The following ROBO2 variants were observed in gnomAD, a reference collection of about 807,000 sequenced individuals.
ROBO2 encodes roundabout homolog 2.
Under a neutral mutation model 160.8 loss-of-function variants are expected in ROBO2, and 53 were observed. The observed-to-expected ratio is 0.33, with a 90% CI of 0.26 to 0.41. ROBO2 has a LOEUF of 0.41. Ranked by LOEUF, ROBO2 falls within the 10% of genes least tolerant of loss-of-function variation. The pLI is 1.00. For missense variants in ROBO2, 1,577 were observed against 1,722.4 expected (o/e 0.92, Z 1.49); for synonymous variants, 664 against 611.7 (o/e 1.09, Z -1.26).
intron 2 of ROBO2, among the ~76,000 whole-genome samples, chr3:77,421,171 T>C (rs934288857): frequency 1.3e-5 from 2 of 152,146 alleles, no homozygotes; most frequent in African/African-American, 4.8e-5. Context: ...ATCTGTAAAG[T>C]AGAATTATTT....
chr3:77,316,670 A>G (rs980200385), intron 2 of ROBO2: 1 of 685,504 alleles, frequency 1.5e-6, no homozygotes, highest in African/African-American at 1.8e-5. Context: ...CATCCCAGTC[A>G]TACAATATTA....
At chr3:76,596,452 T>G (rs1578401814) in intron 2 of ROBO2, among the ~76,000 whole-genome samples, 1 of 152,044 alleles carries the variant, frequency 6.6e-6, no homozygotes, top group Non-Finnish European at 1.5e-5. Context: ...GTGAAAAGAA[T>G]GGAAAACCGG....
At chr3:77,039,109 T>A (rs1016461306), upstream of ROBO2, among the ~76,000 whole-genome samples, 1 of 152,178 alleles carries the variant, frequency 6.6e-6, no homozygotes, top group African/African-American at 2.4e-5. Flanking sequence ...CTCCCCTTCC[T>A]CCTTCCCTTG....
At chr3:76,277,791 T>C (rs1185595850) in intron 2 of ROBO2, among the ~76,000 whole-genome samples, 1 of 151,964 alleles carries the variant, frequency 6.6e-6, no homozygotes, top group African/African-American at 2.4e-5. Flanking sequence ...TTCTCATATA[T>C]ATTAAAAATT....
At chr3:76,010,282 T>C (rs2066156417) in intron 2 of ROBO2, among the ~76,000 whole-genome samples, 2 of 152,202 alleles carry the variant, frequency 1.3e-5, no homozygotes, top group Admixed American at 6.5e-5. Flanking sequence ...GGGACCAGAA[T>C]ATACGTTACT....
At position 76,580,563 on chromosome 3, in the gene ROBO2, T is replaced by C. The variant is rs2085637771; in HGVS notation, c.110-517451T>C. On this transcript the variant is annotated intron_variant, in intron 2 of 26. Transcript: ENST00000487694. ...AACATGATATTCAGGACCTCAGCAG[T>C]AAGAAAGAATCTGGGAGAAAATTAA... Among the ~76,000 whole-genome samples, 3 of 152,128 alleles carry C rather than the reference T, an allele frequency of 2.0e-5. No individual in the cohort carries two copies. The South Asian group carries it at 6.2e-4, about 32-fold the overall frequency.
chr3:76,829,594 T>C (rs1267538241), intron 2 of ROBO2, among the ~76,000 whole-genome samples: 4 of 149,962 alleles, frequency 2.7e-5, no homozygotes, highest in Admixed American at 6.6e-5. Flanking sequence ...TCTCCCACCA[T>C]CATCCCTTAG....
At chr3:77,220,918 C>T (rs1042699518) in intron 2 of ROBO2, among the ~76,000 whole-genome samples, 1 of 152,068 alleles carries the variant, frequency 6.6e-6, no homozygotes, top group Admixed American at 6.6e-5. Context: ...AGAAACCATA[C>T]TTTTTCTATT....
chr3:76,347,114 G>A (rs1264118832), intron 2 of ROBO2, among the ~76,000 whole-genome samples: 1 of 152,016 alleles, frequency 6.6e-6, no homozygotes, highest in Admixed American at 6.6e-5. Context: ...AATTAGATTT[G>A]TTTTGAGTAA....
chr3:76,664,778 T>C (rs1054737583), intron 2 of ROBO2, among the ~76,000 whole-genome samples: 2 of 152,134 alleles, frequency 1.3e-5, no homozygotes, highest in Admixed American at 6.6e-5. Flanking sequence ...ATTTAGGTAG[T>C]TGAGTTGAAT....
At chr3:75,987,354 G>A (rs1490679105) in intron 2 of ROBO2, among the ~76,000 whole-genome samples, 1 of 151,828 alleles carries the variant, frequency 6.6e-6, no homozygotes, top group Non-Finnish European at 1.5e-5. Context: ...TTCATTGTTA[G>A]TAAGTAAAAA....
At chr3:76,540,327 C>G (rs1333403396) in intron 2 of ROBO2, among the ~76,000 whole-genome samples, 1 of 152,076 alleles carries the variant, frequency 6.6e-6, no homozygotes, top group Non-Finnish European at 1.5e-5. Context: ...GAGGGTAATG[C>G]TGGATTAAGT....
chr3:76,535,640 C>A (rs1199922150), intron 2 of ROBO2, among the ~76,000 whole-genome samples: 2 of 151,912 alleles, frequency 1.3e-5, no homozygotes, highest in African/African-American at 4.8e-5. Flanking sequence ...GGGAACTGGG[C>A]AGGTGGGGAT....
At chr3:76,532,332 A>G (rs1434329218) in intron 2 of ROBO2, among the ~76,000 whole-genome samples, 1 of 152,190 alleles carries the variant, frequency 6.6e-6, no homozygotes, top group Non-Finnish European at 1.5e-5. Context: ...CGGCAGCCTT[A>G]GAAACATCCA....
At chr3:76,147,554 A>G (rs1417631588) in intron 2 of ROBO2, among the ~76,000 whole-genome samples, 2 of 151,846 alleles carry the variant, frequency 1.3e-5, no homozygotes, top group East Asian at 3.9e-4. Flanking sequence ...CCATTCAGCA[A>G]CCCCCAACTC....
intron 2 of ROBO2, among the ~76,000 whole-genome samples, chr3:76,752,344 CGAGTT>C (rs2060717989): frequency 2.0e-5 from 3 of 150,942 alleles, no homozygotes; most frequent in Non-Finnish European, 4.4e-5. Flanking sequence ...TGTTAAATGA[CGAGTT>C]AGTGGGTGCA....
At chr3:76,798,767 T>A (rs2063968406) in intron 2 of ROBO2, among the ~76,000 whole-genome samples, 1 of 151,930 alleles carries the variant, frequency 6.6e-6, no homozygotes, top group Non-Finnish European at 1.5e-5. Flanking sequence ...GTGGTGCACA[T>A]CTGTAGTCCC....
rs558521766 is a variant in ROBO2 at position 76,073,875 on chromosome 3, C to G, written c.109+136273C>G. Among the ~76,000 whole-genome samples, 3 of 152,094 alleles carry G rather than the reference C, an allele frequency of 2.0e-5. No individual in the cohort carries two copies. The South Asian group carries it at 6.2e-4, about 32-fold the overall frequency. On this transcript the variant is annotated intron_variant, in intron 2 of 26. Transcript: ENST00000487694. ...CAAGGGTTCCCTTTTAAAAACCTTTCTAGTAAAGGCACTGCCTTGAGCTTG... is the reference window on the plus strand; with the variant it reads ...CAAGGGTTCCCTTTTAAAAACCTTTGTAGTAAAGGCACTGCCTTGAGCTTG...
intron 1 of ROBO2, among the ~76,000 whole-genome samples, chr3:77,088,091 T>C (rs2069593966): frequency 6.6e-6 from 1 of 152,036 alleles, no homozygotes; most frequent in African/African-American, 2.4e-5. Flanking sequence ...TTGAATAGCA[T>C]TTTAAAAATG....
Sources: allele counts gnomAD v4.1 joint callset (sites outside exome capture counted in the v4.1 genomes callset), GRCh38; gene constraint gnomAD v4.1.1; transcripts MANE v1.5; gene names NCBI Gene and HGNC (gene_info 2026-07-23, HGNC 2026-07-21).